Variants in PON1 observed in about 807,000 individuals in gnomAD.
PON1 encodes serum paraoxonase/arylesterase 1.
PON1 carries 37 observed loss-of-function variants against 39.2 expected under a neutral mutation model. The ratio of observed to expected loss-of-function variants is 0.94; its 90% CI spans 0.73 to 1.24. The LOEUF (loss-of-function observed/expected upper bound fraction) is 1.24. Among genes scored for constraint, PON1 ranks in the 50% most tolerant of loss-of-function variants. PON1 has a pLI of 0.00. For synonymous variants in PON1, 148 were observed against 152.2 expected (o/e 0.97, Z 0.21); for missense variants, 397 against 413.5 (o/e 0.96, Z 0.35).
At chr7:95,323,435 A>G (rs55651473) in intron 1 of PON1, among the ~76,000 whole-genome samples, 1 of 152,150 alleles carries the variant, frequency 6.6e-6, no homozygotes, top group South Asian at 2.1e-4. Flanking sequence ...TTAGAAAAAC[A>G]TCCACAATAA....
At chr7:95,303,019 G>A (rs1310456705) in intron 7 of PON1, among the ~76,000 whole-genome samples, 3 of 152,076 alleles carry the variant, frequency 2.0e-5, no homozygotes, top group African/African-American at 7.2e-5. Flanking sequence ...CATCATCTTG[G>A]CTGCCTTCTA....
At chr7:95,315,534 T>G (rs751726962) in intron 3 of PON1, 44 bp from the exon 4 acceptor site, 2 of 1,592,602 alleles carry the variant, frequency 1.3e-6, no homozygotes, top group South Asian at 2.2e-5. Flanking sequence ...ATACCAGTAC[T>G]TCAAATGCTA....
In PON1 at chr7:95,316,769, C is replaced by G. The variant is rs1807778080; in HGVS notation, c.166G>C (p.Glu56Gln). The change falls in exon 3 of 9, where the codon GAG becomes CAG. Residue 56 changes from glutamate to glutamine, a missense_variant. Transcript: ENST00000222381. ...AAAGCCAGTCCATTAGGCAGTATCT[C>G]CAAGTCTTCAGAGCCAGTTTCTGCC... is the stretch of plus-strand genomic sequence containing the variant. ...KGIETGSEDL[E>Q]ILPNGLAFIS... 6 of 1,613,520 alleles carry G rather than the reference C, an allele frequency of 3.7e-6. No individual in the cohort carries two copies. The South Asian group carries it at 6.6e-5, about 18-fold the overall frequency.
rs750035380 is a variant in PON1, at chr7:95,311,445, C to T, written c.497+6G>A. On this transcript the variant is annotated splice_donor_region_variant and intron_variant, in intron 5 of 8. Transcript: ENST00000222381. ...AGGAAAATAGAAATGTGATATATCT[C>T]AGTACTTAGGCAGAAGTTTATGTCT... is the stretch of plus-strand genomic sequence containing the variant. 2.5e-6 allele frequency: 4 copies of T among 1,613,934 alleles called. No homozygotes were observed. The South Asian group carries it at 3.3e-5, about 13-fold the overall frequency.
rs375312050 is a variant in PON1 at position 95,307,945 on chromosome 7, G to T, written c.698+66C>A. On this transcript the variant is annotated intron_variant, in intron 6 of 8. Transcript: ENST00000222381. ...AAATGTATCATATTACTTAAAAAAAGAATATATTCCAAGATATCTCCTGAG... is the reference window on the plus strand; with the variant it reads ...AAATGTATCATATTACTTAAAAAAATAATATATTCCAAGATATCTCCTGAG... The T allele has an allele frequency of 2.6e-5, 37 of 1,420,848 alleles. 1 individual carries two copies. In the South Asian group the frequency reaches 3.9e-4, roughly 15 times the overall value. The allele number at this position is 1,420,848 out of a possible 1,614,324, so 88.0% of individuals were successfully genotyped here.
intron 7 of PON1, among the ~76,000 whole-genome samples, chr7:95,304,960 C>A (rs955983444): frequency 3.9e-5 from 6 of 152,148 alleles, no homozygotes; most frequent in Non-Finnish European, 8.8e-5. Context: ...TCATAAAATT[C>A]TTTAACTTTT....
rs1807358236 is a variant in PON1 at position 95,299,061 on chromosome 7, C to T, written c.951G>A (p.Val317=). The part of the protein sequence containing the change: ...IQNILTEEPK[V]TQVYAENGTV... ...TGCCATTTTCTGCATAAACCTGTGT[C>T]ACTTTAGGTTCTTCTGTTAGAATGT... The change falls in exon 9 of 9, where the codon GTG becomes GTA. Residue 317 remains valine, a synonymous_variant. Transcript: ENST00000222381. 6.2e-7 allele frequency: 1 copy of T among 1,614,114 alleles called. No individual in the cohort carries two copies. The highest frequency in any genetic ancestry group is 8.5e-7 in the Non-Finnish European group (1 of 1,179,960).
chr7:95,304,781 C>G lies in PON1; in HGVS notation c.780+1504G>C, dbSNP rs946508071. On this transcript the variant is annotated intron_variant, in intron 7 of 8. Coordinates refer to ENST00000222381, the MANE Select transcript of PON1 (RefSeq NM_000446.7). Reference sequence around the variant, plus strand: ...ATTAACTGATATTAATTAATACGGTCTTTCAAAAGAAAGAATAATGTGACA... The same window carrying G: ...ATTAACTGATATTAATTAATACGGTGTTTCAAAAGAAAGAATAATGTGACA... Among the ~76,000 whole-genome samples the G allele has an allele frequency of 4.6e-5, 7 of 152,142 alleles. 1 individual carries two copies. In the South Asian group the frequency reaches 1.0e-3, roughly 23 times the overall value.
At chr7:95,322,292 G>C (rs916521654) in intron 1 of PON1, among the ~76,000 whole-genome samples, 3 of 99,304 alleles carry the variant, frequency 3.0e-5, no homozygotes, top group African/African-American at 8.8e-5. Context: ...TATATACTTA[G>C]TTTTATTTAT....
chr7:95,307,882 C>T, intron 6 of PON1, 129 bp downstream of exon 6: 9 of 965,886 alleles, frequency 9.3e-6, no homozygotes, highest in Non-Finnish European at 1.4e-5. Context: ...AGACATTTTA[C>T]ATTTTTCCTA....
chr7:95,318,276 A>C, intron 2 of PON1, 47 bp downstream of exon 2: 1 of 1,512,314 alleles, frequency 6.6e-7, no homozygotes, highest in Non-Finnish European at 9.2e-7. Context: ...AAGAGCAAAA[A>C]AATACCGGAA....
In PON1 at chr7:95,316,794, CA is replaced by C; in HGVS notation, c.146-6del. On this transcript the variant is annotated splice_region_variant and splice_polypyrimidine_tract_variant and intron_variant, in intron 2 of 8. Coordinates refer to ENST00000222381, the MANE Select transcript of PON1 (RefSeq NM_000446.7). The stretch of plus-strand genomic sequence containing the variant: ...CCAAGTCTTCAGAGCCAGTTTCTGC[CA>C]GAAAAGAGAACAGAAAGTACAGGTT... 6.2e-7 allele frequency: 1 copy of C among 1,611,234 alleles called. No individual in the cohort carries two copies. The highest frequency in any genetic ancestry group is 1.3e-5 in the African/African-American group (1 of 74,930).
At chr7:95,310,885 T>C (rs767649267) in intron 5 of PON1, among the ~76,000 whole-genome samples, 21 of 152,334 alleles carry the variant, frequency 1.4e-4, no homozygotes, top group Non-Finnish European at 2.6e-4. Flanking sequence ...TTGACTGAGA[T>C]TGGAGATTCT....
In PON1 at chr7:95,298,662, T is replaced by C. The variant is rs762016781; in HGVS notation, c.*282A>G. 3.1e-5 allele frequency: 15 copies of C among 482,436 alleles called. No individual in the cohort carries two copies. The highest frequency in any genetic ancestry group is 9.8e-5 in the African/African-American group (5 of 51,156). The allele number at this position is 482,436 out of a possible 1,614,324, so 29.9% of individuals were successfully genotyped here. ...GTACTTTTGGGGTCACACACTGTTATTTAATATCTGACAATTGACATAACT... is the reference window on the plus strand; with the variant it reads ...GTACTTTTGGGGTCACACACTGTTACTTAATATCTGACAATTGACATAACT... On this transcript the variant is annotated 3_prime_UTR_variant, in exon 9 of 9. Coordinates refer to ENST00000222381, the MANE Select transcript of PON1 (RefSeq NM_000446.7).
intron 3 of PON1, among the ~76,000 whole-genome samples, chr7:95,316,044 T>C (rs1807760897): frequency 6.6e-6 from 1 of 152,218 alleles, no homozygotes; most frequent in African/African-American, 2.4e-5. Context: ...GACATTGCTT[T>C]GCAGGATGAC....
Position 95,313,472 on chromosome 7 carries a change from T to C in PON1, c.370+1850A>G, listed in dbSNP as rs370319785. ...CAGAAGAAATTTATAGAAGGGGTTG[T>C]GTAATATTACCTCATTTTTATTTTA... is the stretch of plus-strand genomic sequence containing the variant. On this transcript the variant is annotated intron_variant, in intron 4 of 8. Transcript: ENST00000222381. 9.8e-5 allele frequency among the ~76,000 whole-genome samples: 15 copies of C among 152,358 alleles called. No homozygotes were observed. The East Asian group carries it at 1.2e-3, about 12-fold the overall frequency.
chr7:95,322,668 A>G lies in PON1; in HGVS notation c.74+1734T>C, dbSNP rs577828448. The stretch of plus-strand genomic sequence containing the variant: ...AGGAAGTTGCCATACAGATGCTGCA[A>G]CATTCCATAGCCCAAGTTGGGGTAG... On this transcript the variant is annotated intron_variant, in intron 1 of 8. Transcript: ENST00000222381. Among the ~76,000 whole-genome samples the G allele has an allele frequency of 5.4e-4, 83 of 152,316 alleles. 1 individual carries two copies. Among genetic ancestry groups the G allele is most frequent in the African/African-American group, 1.8e-3 (76 of 41,562 alleles).
intron 7 of PON1, among the ~76,000 whole-genome samples, chr7:95,306,023 A>G (rs919591390): frequency 6.6e-6 from 1 of 152,162 alleles, no homozygotes; most frequent in African/African-American, 2.4e-5. Context: ...GGATCTGGGA[A>G]CACAATGCCA....
chr7:95,312,588 T>A (rs1807678371), intron 4 of PON1, among the ~76,000 whole-genome samples: 1 of 152,254 alleles, frequency 6.6e-6, no homozygotes, highest in South Asian at 2.1e-4. Context: ...GAGTCAGGCA[T>A]GTTCTCTCTG....
Sources: gnomAD v4.1 joint callset for allele counts (sites outside exome capture counted in the v4.1 genomes callset) on GRCh38, gnomAD v4.1.1 for gene constraint, MANE v1.5 for transcripts, NCBI Gene and HGNC (gene_info 2026-07-23, HGNC 2026-07-21) for gene names.